The following MAPK14 variants were observed in gnomAD, a reference collection of about 807,000 sequenced individuals.
MAPK14 encodes mitogen-activated protein kinase 14.
In MAPK14, 16 loss-of-function variants were observed where a neutral mutation model predicts 49.6. That is an observed-to-expected ratio of 0.32 (90% confidence interval 0.22 to 0.49). MAPK14 has a LOEUF of 0.49. MAPK14 is among the 20% of genes least tolerant of loss of function. The pLI, the probability that MAPK14 is intolerant of heterozygous loss-of-function variation, is 0.99. For missense variants in MAPK14, 200 were observed against 441.2 expected (o/e 0.45, Z 4.90); for synonymous variants, 142 against 158.0 (o/e 0.90, Z 0.76).
the MAPK14 span, among the ~76,000 whole-genome samples, chr6:36,117,119 T>C: frequency 6.6e-6 from 1 of 152,210 alleles, no homozygotes; most frequent in Non-Finnish European, 1.5e-5. Context: ...TGGTGCCTTA[T>C]CTTGTTCAGC....
At chr6:36,039,130 G>A (rs1762858971) in intron 1 of MAPK14, among the ~76,000 whole-genome samples, 1 of 152,070 alleles carries the variant, frequency 6.6e-6, no homozygotes, top group South Asian at 2.1e-4. Context: ...ATTATCTACA[G>A]ACATGTGATC....
chr6:36,070,266 T>C (rs1764216716), intron 3 of MAPK14, among the ~76,000 whole-genome samples: 1 of 152,208 alleles, frequency 6.6e-6, no homozygotes, highest in Non-Finnish European at 1.5e-5. Flanking sequence ...CTGAAAGAAT[T>C]GTTGGAAGAA....
At chr6:36,115,318 A>T (rs1437009859), downstream of MAPK14, among the ~76,000 whole-genome samples, 1 of 152,250 alleles carries the variant, frequency 6.6e-6, no homozygotes, top group African/African-American at 2.4e-5. Context: ...TAGATTCTTA[A>T]CAAAAACCAG....
intron 3 of MAPK14, among the ~76,000 whole-genome samples, chr6:36,066,067 CTT>C (rs914915721): frequency 6.6e-6 from 1 of 150,882 alleles, no homozygotes; most frequent in Non-Finnish European, 1.5e-5. Flanking sequence ...TATAAAAACT[CTT>C]TTTTTTTCAG....
At chr6:36,102,002 G>A (rs1765655718) in intron 9 of MAPK14, among the ~76,000 whole-genome samples, 1 of 152,226 alleles carries the variant, frequency 6.6e-6, no homozygotes, top group Non-Finnish European at 1.5e-5. Context: ...CAAGTACTGT[G>A]TTAAGAAAGT....
intron 2 of MAPK14, 77 bp from the exon 3 acceptor site, chr6:36,059,212 A>C: frequency 1.1e-6 from 1 of 932,056 alleles, no homozygotes; most frequent in Non-Finnish European, 1.6e-6. Context: ...CTTTAAAAAA[A>C]AAGAAGATTA....
chr6:36,071,738 C>G (rs914527480), intron 3 of MAPK14, among the ~76,000 whole-genome samples: 10 of 152,174 alleles, frequency 6.6e-5, no homozygotes, highest in African/African-American at 2.4e-4. Context: ...GGATTTAAAA[C>G]TACAAGATAC....
At chr6:36,097,636 C>G (rs1765488926) in intron 9 of MAPK14, 1 of 152,130 alleles carries the variant, frequency 6.6e-6, no homozygotes, top group South Asian at 2.1e-4. Flanking sequence ...TCTTCTCTTC[C>G]ATCCCAACCA....
At chr6:36,105,091 G>A (rs1296295717) in intron 10 of MAPK14, among the ~76,000 whole-genome samples, 4 of 152,140 alleles carry the variant, frequency 2.6e-5, no homozygotes, top group South Asian at 2.1e-4. Context: ...TCACAAGCTC[G>A]TGCCCAGCAT....
At chr6:36,071,187 G>A (rs1488098196) in intron 3 of MAPK14, among the ~76,000 whole-genome samples, 1 of 152,000 alleles carries the variant, frequency 6.6e-6, no homozygotes, top group Non-Finnish European at 1.5e-5. Context: ...ACAAAAATTA[G>A]CCAGGCATGG....
chr6:36,084,497 G>A (rs546880169), intron 8 of MAPK14, among the ~76,000 whole-genome samples: 2 of 152,108 alleles, frequency 1.3e-5, no homozygotes, highest in African/African-American at 4.8e-5. Context: ...GTTTAGAAAG[G>A]AACATAAATG....
chr6:36,063,824 G>C (rs79311339), intron 3 of MAPK14, among the ~76,000 whole-genome samples: 3,563 of 152,222 alleles, frequency 0.023, 73 homozygotes, highest in African/African-American at 0.055. Flanking sequence ...GGATGTGGTT[G>C]TACAGATGGC....
intron 2 of MAPK14, among the ~76,000 whole-genome samples, chr6:36,055,664 G>C (rs1763564120): frequency 6.6e-6 from 1 of 151,968 alleles, no homozygotes; most frequent in Non-Finnish European, 1.5e-5. Flanking sequence ...GGGCGCAGTG[G>C]CTCATGCCTG....
chr6:36,045,046 T>G (rs1283689254), intron 1 of MAPK14, among the ~76,000 whole-genome samples: 1 of 151,974 alleles, frequency 6.6e-6, no homozygotes. Context: ...GGTTGGAGGA[T>G]TGCTTGAGGC....
intron 1 of MAPK14, among the ~76,000 whole-genome samples, chr6:36,043,101 G>T (rs767733760): frequency 1.3e-5 from 2 of 151,342 alleles, no homozygotes; most frequent in Non-Finnish European, 2.9e-5. Context: ...TCTAGCCTGG[G>T]CAACAGAGCA....
downstream of MAPK14, among the ~76,000 whole-genome samples, chr6:36,113,072 AC>A (rs1766003106): frequency 6.6e-6 from 1 of 152,080 alleles, no homozygotes; most frequent in Non-Finnish European, 1.5e-5. Context: ...AATAATAAAG[AC>A]CCCCTTTTAT....
At chr6:36,100,229 C>T in intron 9 of MAPK14, 1 of 1,612,788 alleles carries the variant, frequency 6.2e-7, no homozygotes, top group Non-Finnish European at 8.5e-7. Flanking sequence ...GACAGGAACA[C>T]CCCCCGCTTA....
At chr6:36,040,402 G>A (rs905758798) in intron 1 of MAPK14, among the ~76,000 whole-genome samples, 1 of 152,144 alleles carries the variant, frequency 6.6e-6, no homozygotes, top group Non-Finnish European at 1.5e-5. Flanking sequence ...ATTTGATTGA[G>A]TAAAAACTAG....
At chr6:36,100,260 G>A in intron 9 of MAPK14, 1 of 1,612,492 alleles carries the variant, frequency 6.2e-7, no homozygotes, top group Non-Finnish European at 8.5e-7. Flanking sequence ...AGGATGCCAA[G>A]CCATGAGGTG....
Sources: allele counts gnomAD v4.1 joint callset (sites outside exome capture counted in the v4.1 genomes callset), GRCh38; gene constraint gnomAD v4.1.1; transcripts MANE v1.5; gene names NCBI Gene and HGNC (gene_info 2026-07-23, HGNC 2026-07-21).